Variants in RASGRP3 observed in about 807,000 individuals in gnomAD.
The protein encoded by RASGRP3 is ras guanyl-releasing protein 3.
Under a neutral mutation model 82.7 loss-of-function variants are expected in RASGRP3, and 54 were observed. That is an observed-to-expected ratio of 0.65 (90% CI 0.52 to 0.82). RASGRP3 has a LOEUF of 0.82. Among genes scored for constraint, RASGRP3 ranks in the 40% least tolerant of loss-of-function variants. The pLI is 0.00. For missense variants in RASGRP3, 861 were observed against 828.9 expected (o/e 1.04, Z -0.48); for synonymous variants, 309 against 300.5 (o/e 1.03, Z -0.29).
At chr2:33,456,444 T>G (rs1666040213) in intron 2 of RASGRP3, among the ~76,000 whole-genome samples, 2 of 152,240 alleles carry the variant, frequency 1.3e-5, no homozygotes, top group South Asian at 4.1e-4. Context: ...TATCTTTTGT[T>G]TTAGTGGTGG....
Position 33,558,843 on chromosome 2 carries a change from G to A in RASGRP3, c.1877G>A (p.Gly626Glu). The A allele has an allele frequency of 6.2e-7, 1 of 1,613,980 alleles. No individual in the cohort carries two copies. Among genetic ancestry groups the A allele is most frequent in the Non-Finnish European group, 8.5e-7 (1 of 1,179,902 alleles). ...TEPVWSEAGW[G>E]DSGSHTFPKM... The stretch of plus-strand genomic sequence containing the variant: ...CCTGTCTGGTCAGAGGCTGGCTGGG[G>A]GGACTCGGGGTCCCACACCTTCCCT... Residue 626 changes from glycine (G) to glutamate (E), a missense_variant, in exon 17 of 18, where the codon GGG becomes GAG. Physicochemically the swap from Gly to Glu is moderately conservative, Grantham distance 98. Transcript: ENST00000403687.
At chr2:33,449,783 A>C (rs6543713) in intron 2 of RASGRP3, among the ~76,000 whole-genome samples, 29,971 of 152,156 alleles carry the variant, frequency 0.2, 3,320 homozygotes, top group South Asian at 0.3. Flanking sequence ...TATTTATTAC[A>C]GTGAAAATAT....
chr2:33,463,859 C>T (rs534307358), intron 2 of RASGRP3, among the ~76,000 whole-genome samples: 6 of 151,734 alleles, frequency 4.0e-5, no homozygotes, highest in Non-Finnish European at 7.4e-5. Flanking sequence ...CTCGGCCTCC[C>T]GAAGTGCTGG....
intron 1 of RASGRP3, among the ~76,000 whole-genome samples, chr2:33,491,360 G>GA (rs914130071): frequency 8.1e-4 from 118 of 146,294 alleles, no homozygotes; most frequent in African/African-American, 2.4e-3. Flanking sequence ...TTGTCACCCA[G>GA]AAAAAAAAAA....
At chr2:33,439,302 C>T (rs560419856) in intron 1 of RASGRP3, among the ~76,000 whole-genome samples, 1 of 152,252 alleles carries the variant, frequency 6.6e-6, no homozygotes, top group South Asian at 2.1e-4. Context: ...TGAGTGCCAC[C>T]TAAGGAAGAC....
At chr2:33,547,074 AGAG>A (rs1324741660) in intron 13 of RASGRP3, among the ~76,000 whole-genome samples, 2,155 of 137,914 alleles carry the variant, frequency 0.016, 64 homozygotes, top group African/African-American at 0.054. Context: ...AAAAAAAAAA[AGAG>A]AGAGAGAATG....
chr2:33,471,112 G>T (rs1372564558), intron 2 of RASGRP3, among the ~76,000 whole-genome samples: 6 of 152,080 alleles, frequency 3.9e-5, no homozygotes, highest in Non-Finnish European at 8.8e-5. Context: ...ATCATGTTAA[G>T]AATCAGTCTT....
intron 1 of RASGRP3, chr2:33,436,647 A>G (rs1664939164): frequency 6.6e-6 from 1 of 152,356 alleles, no homozygotes; most frequent in Admixed American, 6.5e-5. Context: ...TTCATGAACT[A>G]TGGATATTAG....
At chr2:33,438,562 CAAAAA>C (rs57229316) in intron 1 of RASGRP3, among the ~76,000 whole-genome samples, 2,613 of 128,490 alleles carry the variant, frequency 0.02, 72 homozygotes, top group African/African-American at 0.072. Flanking sequence ...ACTCCATCGC[CAAAAA>C]AAAAAAAAAA....
chr2:33,532,433 G>C (rs1281292079), intron 10 of RASGRP3: 2 of 152,066 alleles, frequency 1.3e-5, no homozygotes, highest in African/African-American at 2.4e-5. Flanking sequence ...TGGCGCTAAG[G>C]GGAAAGATCC....
intron 2 of RASGRP3, among the ~76,000 whole-genome samples, chr2:33,513,249 T>C (rs1179059900): frequency 6.6e-6 from 1 of 152,214 alleles, no homozygotes; most frequent in Non-Finnish European, 1.5e-5. Flanking sequence ...TTCACAGAAT[T>C]AATAGAGGGC....
intron 13 of RASGRP3, among the ~76,000 whole-genome samples, chr2:33,546,558 TAA>T (rs1674781222): frequency 6.6e-6 from 1 of 152,040 alleles, no homozygotes; most frequent in Non-Finnish European, 1.5e-5. Context: ...CTCAAGCAGC[TAA>T]AAACAGAACT....
chr2:33,516,655 A>G lies in RASGRP3; in HGVS notation c.173+11A>G. 6.8e-7 allele frequency: 1 copy of G among 1,472,596 alleles called. No individual in the cohort carries two copies. The highest frequency in any genetic ancestry group is 9.4e-7 in the Non-Finnish European group (1 of 1,067,450). The allele number at this position is 1,472,596 out of a possible 1,614,324, so 91.2% of individuals were successfully genotyped here. Reference sequence around the variant, plus strand: ...AAAACTTCTCTGCATATATCTTTTCAACTACTGTGTAATTTTTACAATCAT... The same window carrying G: ...AAAACTTCTCTGCATATATCTTTTCGACTACTGTGTAATTTTTACAATCAT... On this transcript the variant is annotated intron_variant, in intron 4 of 17. Transcript: ENST00000403687.
chr2:33,458,784 T>C (rs76508821), intron 2 of RASGRP3, among the ~76,000 whole-genome samples: 3,189 of 152,278 alleles, frequency 0.021, 118 homozygotes, highest in African/African-American at 0.074. Context: ...ACCTTAACAT[T>C]TTTGTCCTTA....
chr2:33,491,208 TG>T (rs1414771912), intron 1 of RASGRP3, among the ~76,000 whole-genome samples: 3 of 151,890 alleles, frequency 2.0e-5, no homozygotes, highest in Admixed American at 2.0e-4. Context: ...CCCAGCTATT[TG>T]GGGGGCTGAG....
chr2:33,536,865 G>C (rs939359621), intron 11 of RASGRP3, among the ~76,000 whole-genome samples: 1 of 152,172 alleles, frequency 6.6e-6, no homozygotes, highest in South Asian at 2.1e-4. Flanking sequence ...GTGGGGGCCG[G>C]GGAGAGTGCT....
At chr2:33,471,897 A>AT (rs56153758), upstream of RASGRP3, among the ~76,000 whole-genome samples, 32 of 151,484 alleles carry the variant, frequency 2.1e-4, no homozygotes, top group East Asian at 4.9e-3. Context: ...CCAATCAATG[A>AT]TTTTTTTTTT....
At chr2:33,479,069 A>G (rs1667640190) in intron 1 of RASGRP3, among the ~76,000 whole-genome samples, 1 of 152,244 alleles carries the variant, frequency 6.6e-6, no homozygotes, top group Admixed American at 6.5e-5. Context: ...TTAAAAAATA[A>G]AAGTGGAATC....
intron 2 of RASGRP3, 139 bp from the exon 3 acceptor site, chr2:33,514,871 T>G: frequency 2.2e-6 from 1 of 448,310 alleles, no homozygotes; most frequent in Non-Finnish European, 4.0e-6. Context: ...AAGGTTGATG[T>G]AATCTCAGTC....
Sources: allele counts gnomAD v4.1 joint callset (sites outside exome capture counted in the v4.1 genomes callset), GRCh38; gene constraint gnomAD v4.1.1; transcripts MANE v1.5; gene names NCBI Gene and HGNC (gene_info 2026-07-23, HGNC 2026-07-21).